AAAS: variants seen among roughly 807,000 people sequenced by gnomAD.
The protein encoded by AAAS is aladin.
In AAAS, 60 loss-of-function variants were observed where a neutral mutation model predicts 75.6. That is an observed-to-expected ratio of 0.79 (90% confidence interval 0.64 to 0.98). The LOEUF is 0.98. AAAS is among the 50% of genes least tolerant of loss of function. The pLI is 0.00. For synonymous variants in AAAS, 271 were observed against 265.0 expected (o/e 1.02, Z -0.22); for missense variants, 658 against 686.9 (o/e 0.96, Z 0.47).
intron 7 of AAAS, 76 bp from the exon 8 acceptor site, chr12:53,309,797 T>C: frequency 6.3e-7 from 1 of 1,577,240 alleles, no homozygotes; most frequent in South Asian, 1.2e-5. Context: ...CTTTGCCTCC[T>C]GCTAAAACCT....
chr12:53,320,861 G>GT, intron 1 of AAAS, 169 bp from the exon 2 acceptor site: 1 of 734,286 alleles, frequency 1.4e-6, no homozygotes, highest in Non-Finnish European at 2.3e-6. Flanking sequence ...CTTAGCTCCC[G>GT]TATCTGTGCA....
chr12:53,319,697 G>A (rs1307727372), intron 2 of AAAS, among the ~76,000 whole-genome samples: 6 of 151,148 alleles, frequency 4.0e-5, no homozygotes, highest in African/African-American at 1.5e-4. Context: ...CCAGCTACTC[G>A]GGAGGCTGAG....
intron 7 of AAAS, among the ~76,000 whole-genome samples, chr12:53,310,767 A>G (rs551276318): frequency 7.6e-4 from 115 of 152,294 alleles, no homozygotes; most frequent in African/African-American, 2.7e-3. Flanking sequence ...TTAGTCATGG[A>G]TGTACAATTT....
chr12:53,310,696 C>T (rs1944376151), intron 7 of AAAS, among the ~76,000 whole-genome samples: 1 of 152,194 alleles, frequency 6.6e-6, no homozygotes, highest in African/African-American at 2.4e-5. Context: ...AAGGCTACTA[C>T]CTGAATTAAT....
Position 53,307,836 on chromosome 12 carries a change from C to T in AAAS, c.1416+9G>A, listed in dbSNP as rs370634096. Reference sequence around the variant, plus strand: ...ACTCCTGGAAGCCCCAGCAGCCTGGCGCACTCACCACACTGAGCAGGGCCC... The same window carrying T: ...ACTCCTGGAAGCCCCAGCAGCCTGGTGCACTCACCACACTGAGCAGGGCCC... On this transcript the variant is annotated intron_variant, in intron 15 of 15. Coordinates refer to ENST00000209873, the MANE Select transcript of AAAS (RefSeq NM_015665.6). 1.3e-5 allele frequency: 21 copies of T among 1,613,996 alleles called. No individual in the cohort carries two copies. Among genetic ancestry groups the T allele is most frequent in the Middle Eastern group, 1.6e-4 (1 of 6,084 alleles).
At chr12:53,312,062 T>C (rs1944397852) in intron 7 of AAAS, among the ~76,000 whole-genome samples, 1 of 152,056 alleles carries the variant, frequency 6.6e-6, no homozygotes. Flanking sequence ...GCATGGTGGC[T>C]CACGCCTGTA....
chr12:53,320,968 CAATA>C (rs1944544596), intron 1 of AAAS: 7 of 537,382 alleles, frequency 1.3e-5, no homozygotes, highest in South Asian at 6.3e-5. Flanking sequence ...AGCAAACGCT[CAATA>C]AATGTCAGTT....
At chr12:53,318,459 C>T (rs1017817442) in intron 2 of AAAS, among the ~76,000 whole-genome samples, 6 of 152,058 alleles carry the variant, frequency 3.9e-5, no homozygotes, top group Admixed American at 2.0e-4. Flanking sequence ...GTGATACACC[C>T]GCCTTGGCCT....
chr12:53,318,781 AAACACGTG>A (rs1026596170), intron 2 of AAAS, among the ~76,000 whole-genome samples: 1 of 152,188 alleles, frequency 6.6e-6, no homozygotes, highest in Non-Finnish European at 1.5e-5. Context: ...ATAATTTGGC[AAACACGTG>A]AACACCAGGT....
In AAAS at chr12:53,315,323, A is replaced by G. The variant is rs1453138547; in HGVS notation, c.399+12T>C. The G allele has an allele frequency of 6.2e-7, 1 of 1,614,050 alleles. No individual in the cohort carries two copies. The highest frequency in any genetic ancestry group is 1.7e-5 in the Admixed American group (1 of 60,012). ...AGCAAATGCAGAGGGCTGGGGAGGA[A>G]GCCAAACTTACAGACAGATGGGGGA... On this transcript the variant is annotated intron_variant, in intron 4 of 15. Transcript: ENST00000209873.
chr12:53,321,341 AC>A lies in AAAS; in HGVS notation c.123+1del, dbSNP rs1216772648. The A allele has an allele frequency of 1.2e-6, 2 of 1,613,218 alleles. No homozygotes were observed. The highest frequency in any genetic ancestry group is 1.7e-5 in the Admixed American group (1 of 59,992). On this transcript the variant is annotated splice_donor_variant, in intron 1 of 15. Coordinates refer to ENST00000209873, the MANE Select transcript of AAAS (RefSeq NM_015665.6). LOFTEE classifies it high-confidence loss of function. ...GGTCCCCTCCCTCCTCGCCCTGGCC[AC>A]CTGGCCCCGGAAGTCGGGGGGCGGG... is the stretch of plus-strand genomic sequence containing the variant.
At chr12:53,319,824 A>G (rs1427405029) in intron 2 of AAAS, among the ~76,000 whole-genome samples, 6 of 141,828 alleles carry the variant, frequency 4.2e-5, no homozygotes, top group Non-Finnish European at 7.7e-5. Flanking sequence ...AAAAAAAAAA[A>G]AGAAAAAGAA....
Position 53,307,697 on chromosome 12 carries a change from C to G in AAAS, c.1433G>C (p.Arg478Pro), listed in dbSNP as rs781738941. The G allele has an allele frequency of 1.9e-6, 3 of 1,614,072 alleles. No individual in the cohort carries two copies. The Admixed American group carries it at 5.0e-5, about 27-fold the overall frequency. ...ALLSVGWSTGRIAHIPLYFVN... is the reference protein window; with the variant it reads ...ALLSVGWSTGPIAHIPLYFVN... ...AAAGTACAGCGGGATGTGGGCAATT[C>G]GGCCTGTGGACCAGCCCTGCAGAGA... Residue 478 changes from arginine (R) to proline (P), a missense_variant, in exon 16 of 16, where the codon CGA becomes CCA. Physicochemically the swap from Arg to Pro is moderately radical, Grantham distance 103 (BLOSUM62 -2). Coordinates refer to ENST00000209873, the MANE Select transcript of AAAS (RefSeq NM_015665.6).
intron 2 of AAAS, among the ~76,000 whole-genome samples, chr12:53,316,306 C>T (rs1358947357): frequency 6.7e-6 from 1 of 150,160 alleles, no homozygotes. Flanking sequence ...AGAAATTAGC[C>T]AGGTGTGGTG....
intron 9 of AAAS, 41 bp from the exon 10 acceptor site, chr12:53,309,061 G>A: frequency 6.2e-7 from 1 of 1,614,188 alleles, no homozygotes; most frequent in Non-Finnish European, 8.5e-7. Flanking sequence ...GGACCTCTAA[G>A]TTCTAAAAGT....
chr12:53,318,263 T>TGC (rs1565783334), intron 2 of AAAS, among the ~76,000 whole-genome samples: 7 of 149,798 alleles, frequency 4.7e-5, no homozygotes, highest in African/African-American at 1.8e-4. Context: ...TGTGTGTGTG[T>TGC]GTGTGTGTGT....
At chr12:53,315,616 A>G in intron 3 of AAAS, 111 bp downstream of exon 3, 1 of 1,393,646 alleles carries the variant, frequency 7.2e-7, no homozygotes, top group Non-Finnish European at 1.0e-6. Context: ...AGGAGAGGAC[A>G]GGAAAAATAG....
intron 8 of AAAS, 51 bp downstream of exon 8, chr12:53,309,550 G>C: frequency 1.2e-6 from 2 of 1,612,576 alleles, no homozygotes; most frequent in Non-Finnish European, 1.7e-6. Context: ...ACCGAGTGAG[G>C]AACACTTTTG....
chr12:53,314,906 G>GC, intron 5 of AAAS, 57 bp from the exon 6 acceptor site: 1 of 1,548,364 alleles, frequency 6.5e-7, no homozygotes, highest in Non-Finnish European at 8.9e-7. Context: ...TAGCCCAGAA[G>GC]CTCACATTCA....
Sources: gnomAD v4.1 joint callset for allele counts (sites outside exome capture counted in the v4.1 genomes callset) on GRCh38, gnomAD v4.1.1 for gene constraint, MANE v1.5 for transcripts, NCBI Gene and HGNC (gene_info 2026-07-23, HGNC 2026-07-21) for gene names.